The following SAMD3 variants were observed in gnomAD, a reference collection of about 807,000 sequenced individuals.
The protein encoded by SAMD3 is sterile alpha motif domain containing 3.
In SAMD3, 63 loss-of-function variants were observed where a neutral mutation model predicts 58.5. The observed-to-expected ratio is 1.08, with a 90% confidence interval of 0.88 to 1.33. SAMD3 has a LOEUF of 1.33. Among genes scored for constraint, SAMD3 ranks in the 40% most tolerant of loss-of-function variants. SAMD3 has a pLI of 0.00. For synonymous variants in SAMD3, 220 were observed against 210.3 expected (o/e 1.05, Z -0.40); for missense variants, 604 against 608.4 (o/e 0.99, Z 0.08).
rs1376942198 is a variant in SAMD3, at chr6:130,201,483, A to G, written c.383+8012T>C. On this transcript the variant is annotated intron_variant, in intron 5 of 11. Coordinates refer to ENST00000439090, the MANE Select transcript of SAMD3 (RefSeq NM_001017373.4). ...CTACTAAATCAGAGTCTGTGTTTTAACAAGATTCCTCAGTGTTTTATAAGT... is the reference window on the plus strand; with the variant it reads ...CTACTAAATCAGAGTCTGTGTTTTAGCAAGATTCCTCAGTGTTTTATAAGT... Among the ~76,000 whole-genome samples the G allele has an allele frequency of 3.9e-5, 6 of 152,332 alleles. No homozygotes were observed. In the East Asian group the frequency reaches 1.2e-3, roughly 29 times the overall value.
chr6:130,157,627 G>T (rs544686434), intron 8 of SAMD3, among the ~76,000 whole-genome samples: 1 of 152,250 alleles, frequency 6.6e-6, no homozygotes, highest in Admixed American at 6.5e-5. Flanking sequence ...ACGCCTGACA[G>T]ATATGATTTT....
rs9483117 is a variant in SAMD3 at position 130,360,815 on chromosome 6, A to G, written c.-304+4305T>C. On this transcript the variant is annotated intron_variant, in intron 1 of 13. Transcript: ENST00000368134. ...GAAGATGGCCACACCCAAGGGGGCC[A>G]TTTTAGAGACCCACCCTCAGGGGCA... Among the ~76,000 whole-genome samples, 780 of 152,290 alleles carry G rather than the reference A, an allele frequency of 5.1e-3. 6 individuals are homozygous for G. Among genetic ancestry groups the G allele is most frequent in the African/African-American group, 0.018 (734 of 41,566 alleles).
intron 1 of SAMD3, among the ~76,000 whole-genome samples, chr6:130,354,925 TA>T (rs543105165): frequency 8.6e-5 from 13 of 150,628 alleles, no homozygotes; most frequent in African/African-American, 1.9e-4. Context: ...AGTGCTAAAC[TA>T]AAAAAAAAGG....
At chr6:130,339,993 T>A (rs1003217522) in intron 1 of SAMD3, among the ~76,000 whole-genome samples, 1 of 152,230 alleles carries the variant, frequency 6.6e-6, no homozygotes, top group African/African-American at 2.4e-5. Context: ...AATATTGCCA[T>A]AGGTTCCCTC....
chr6:130,255,659 A>G (rs374931538), intron 2 of SAMD3, among the ~76,000 whole-genome samples: 2 of 151,788 alleles, frequency 1.3e-5, no homozygotes, highest in African/African-American at 4.8e-5. Context: ...ATTTTTTTAA[A>G]TATTCTTTTT....
At chr6:130,292,258 T>C (rs1350572850) in intron 2 of SAMD3, among the ~76,000 whole-genome samples, 1 of 144,684 alleles carries the variant, frequency 6.9e-6, no homozygotes, top group Admixed American at 7.3e-5. Flanking sequence ...AATAACTTTT[T>C]TTTTCTTTCT....
chr6:130,308,415 ATTCTATTCTATTCTATTCTATTC>A (rs1776017853), intron 2 of SAMD3, among the ~76,000 whole-genome samples: 1 of 120,558 alleles, frequency 8.3e-6, no homozygotes, highest in African/African-American at 3.7e-5. Flanking sequence ...ATTCTATTCT[ATTCTATTCTATTCTATTCTATTC>A]TTTTGTGTGT....
intron 2 of SAMD3, among the ~76,000 whole-genome samples, chr6:130,292,617 T>TTTG (rs1413506811): frequency 8.1e-5 from 8 of 98,824 alleles, no homozygotes; most frequent in Non-Finnish European, 1.3e-4. Context: ...TGTTTGTTTG[T>TTTG]TTTGTTTTGT....
Position 130,144,362 on chromosome 6 carries a change from T to G in SAMD3, c.*158A>C, listed in dbSNP as rs151115760. 477 of 617,258 alleles carry G rather than the reference T, an allele frequency of 7.7e-4. 3 individuals carry two copies. In the African/African-American group the frequency reaches 8.2e-3, roughly 11 times the overall value. 38.2% of individuals were successfully genotyped at this position (617,258 alleles called of 1,614,324 possible). The stretch of plus-strand genomic sequence containing the variant: ...ACAGAATTTCACAAAGAACTTAATA[T>G]CTAAGTGTAAAGATAGAAAGCATTG... On this transcript the variant is annotated 3_prime_UTR_variant, in exon 12 of 12. Transcript: ENST00000439090.
chr6:130,205,125 G>T (rs1794968669), intron 5 of SAMD3, among the ~76,000 whole-genome samples: 1 of 147,700 alleles, frequency 6.8e-6, no homozygotes, highest in South Asian at 2.2e-4. Flanking sequence ...ATGGAGGAAT[G>T]GCTTATAGAG....
intron 2 of SAMD3, among the ~76,000 whole-genome samples, chr6:130,254,713 T>C (rs1441439689): frequency 6.6e-6 from 1 of 152,234 alleles, no homozygotes; most frequent in Non-Finnish European, 1.5e-5. Flanking sequence ...TGATTCTTCA[T>C]TACTCTTTTC....
chr6:130,170,711 G>A (rs568457405), intron 8 of SAMD3, among the ~76,000 whole-genome samples: 5 of 152,218 alleles, frequency 3.3e-5, no homozygotes, highest in Non-Finnish European at 5.9e-5. Flanking sequence ...TGTAGCAGTC[G>A]CAAATGGGAG....
At chr6:130,198,211 G>A (rs905461157) in intron 5 of SAMD3, among the ~76,000 whole-genome samples, 6 of 152,032 alleles carry the variant, frequency 3.9e-5, no homozygotes, top group Non-Finnish European at 5.9e-5. Flanking sequence ...CTCTTCACAC[G>A]GACGCGCATG....
chr6:130,299,474 A>G (rs1775676391), intron 2 of SAMD3, among the ~76,000 whole-genome samples: 1 of 152,306 alleles, frequency 6.6e-6, no homozygotes, highest in African/African-American at 2.4e-5. Flanking sequence ...AGCAGTATTA[A>G]GAGAAAAGTT....
At chr6:130,190,669 AT>A (rs965783632) in intron 5 of SAMD3, among the ~76,000 whole-genome samples, 7 of 152,136 alleles carry the variant, frequency 4.6e-5, no homozygotes, top group African/African-American at 1.7e-4. Context: ...GGGAAAAGAG[AT>A]TAAAAAAAAA....
At chr6:130,278,835 T>G (rs118126069) in intron 2 of SAMD3, among the ~76,000 whole-genome samples, 2 of 152,286 alleles carry the variant, frequency 1.3e-5, no homozygotes, top group Non-Finnish European at 2.9e-5. Flanking sequence ...AGCACAATAA[T>G]GCCTACTGCA....
chr6:130,288,890 T>A (rs561630330), intron 2 of SAMD3, among the ~76,000 whole-genome samples: 1 of 152,350 alleles, frequency 6.6e-6, no homozygotes, highest in Non-Finnish European at 1.5e-5. Context: ...TTCACTCTAT[T>A]TAAGATGGTA....
intron 1 of SAMD3, among the ~76,000 whole-genome samples, chr6:130,326,319 C>A (rs553681116): frequency 1.6e-4 from 24 of 151,528 alleles, no homozygotes; most frequent in African/African-American, 5.6e-4. Context: ...ATATCTCCTG[C>A]CCCTATGACT....
rs528408501 is a variant in SAMD3 at position 130,230,512 on chromosome 6, C to T, written c.-187-7699G>A. Among the ~76,000 whole-genome samples the T allele has an allele frequency of 5.3e-5, 8 of 152,214 alleles. No individual in the cohort carries two copies. In the East Asian group the frequency reaches 5.8e-4, roughly 11 times the overall value. On this transcript the variant is annotated intron_variant, in intron 2 of 13. Coordinates refer to the SAMD3 transcript ENST00000368134. Reference sequence around the variant, plus strand: ...AAGCGATTCTCCTGCCTCAGCCTCCCGAGTAGCTGGGATTACAGGTGCCCG... The same window carrying T: ...AAGCGATTCTCCTGCCTCAGCCTCCTGAGTAGCTGGGATTACAGGTGCCCG...
Sources: gnomAD v4.1 joint callset for allele counts (sites outside exome capture counted in the v4.1 genomes callset) on GRCh38, gnomAD v4.1.1 for gene constraint, MANE v1.5 for transcripts, NCBI Gene and HGNC (gene_info 2026-07-23, HGNC 2026-07-21) for gene names.